Variants in TAFA1 observed in about 807,000 individuals in gnomAD.
TAFA1 encodes the protein chemokine-like protein TAFA-1.
A neutral mutation model predicts 18.5 loss-of-function variants in TAFA1; 4 were observed. The observed-to-expected ratio is 0.22, with a 90% CI of 0.11 to 0.49. The LOEUF (loss-of-function observed/expected upper bound fraction) is 0.49. TAFA1 is among the 20% of genes least tolerant of loss of function. TAFA1 has a pLI of 0.98. For missense variants in TAFA1, 147 were observed against 169.0 expected (o/e 0.87, Z 0.72); for synonymous variants, 56 against 55.2 (o/e 1.01, Z -0.06).
At chr3:68,401,887 A>G (rs756967120) in intron 2 of TAFA1, among the ~76,000 whole-genome samples, 14 of 152,206 alleles carry the variant, frequency 9.2e-5, no homozygotes, top group Non-Finnish European at 1.6e-4. Flanking sequence ...CAGTAAAAGT[A>G]GGACTGTTTG....
chr3:68,130,906 A>G lies in TAFA1; in HGVS notation c.118+124162A>G, dbSNP rs1405545437. 2.0e-5 allele frequency among the ~76,000 whole-genome samples: 3 copies of G among 151,992 alleles called. No individual in the cohort carries two copies. The East Asian group carries it at 5.8e-4, about 29-fold the overall frequency. On this transcript the variant is annotated intron_variant, in intron 2 of 4. Transcript: ENST00000478136. ...GAGTCTTCTTATCCTTTTCTAGCTC[A>G]TTGCACTGTCTCTTTCCTTGTTATT...
chr3:68,249,473 G>A (rs886387703), intron 2 of TAFA1, among the ~76,000 whole-genome samples: 1 of 152,126 alleles, frequency 6.6e-6, no homozygotes, highest in Admixed American at 6.5e-5. Flanking sequence ...CAACTGTCAG[G>A]GCTTGAGATG....
chr3:68,430,843 T>C (rs1250120128), intron 3 of TAFA1, among the ~76,000 whole-genome samples: 1 of 151,976 alleles, frequency 6.6e-6, no homozygotes, highest in Non-Finnish European at 1.5e-5. Context: ...AACTTTTGGA[T>C]GGAAATTTTA....
chr3:68,366,693 C>A (rs1292931944), intron 2 of TAFA1, among the ~76,000 whole-genome samples: 1 of 152,154 alleles, frequency 6.6e-6, no homozygotes, highest in Non-Finnish European at 1.5e-5. Flanking sequence ...GGTTATTGAA[C>A]TTTTCTAAGC....
chr3:68,086,548 A>G (rs905047452), intron 2 of TAFA1, among the ~76,000 whole-genome samples: 6 of 152,248 alleles, frequency 3.9e-5, no homozygotes, highest in Non-Finnish European at 8.8e-5. Context: ...AACTGTATAA[A>G]AAACATTTTG....
chr3:68,347,187 G>C (rs1218110332), intron 2 of TAFA1, among the ~76,000 whole-genome samples: 6 of 152,110 alleles, frequency 3.9e-5, no homozygotes, highest in Non-Finnish European at 8.8e-5. Context: ...TTGAGTTTCT[G>C]AATGATTTTG....
intron 2 of TAFA1, among the ~76,000 whole-genome samples, chr3:68,177,435 T>A (rs529351179): frequency 1.3e-5 from 2 of 152,286 alleles, no homozygotes; most frequent in East Asian, 3.9e-4. Context: ...CTTCAGCTTC[T>A]TTACTACTAC....
Position 68,367,003 on chromosome 3 carries a change from T to C in TAFA1, c.119-50277T>C, listed in dbSNP as rs187950707. Reference sequence around the variant, plus strand: ...ACTGACTGTCCTTACCCCCCAGTTCTAAGTTAACCATAGTTTTCCTTACCC... The same window carrying C: ...ACTGACTGTCCTTACCCCCCAGTTCCAAGTTAACCATAGTTTTCCTTACCC... On this transcript the variant is annotated intron_variant, in intron 2 of 4. Transcript: ENST00000478136. 5.9e-5 allele frequency among the ~76,000 whole-genome samples: 9 copies of C among 152,348 alleles called. No individual in the cohort carries two copies. The East Asian group carries it at 1.5e-3, about 26-fold the overall frequency.
chr3:68,104,202 G>T (rs759132766), intron 2 of TAFA1, among the ~76,000 whole-genome samples: 1 of 152,074 alleles, frequency 6.6e-6, no homozygotes, highest in Admixed American at 6.6e-5. Flanking sequence ...AAAAAACTCA[G>T]ATTAATATGG....
Position 68,353,973 on chromosome 3 carries a change from C to A in TAFA1, c.119-63307C>A, listed in dbSNP as rs1198051966. Among the ~76,000 whole-genome samples the A allele has an allele frequency of 2.6e-5, 4 of 151,988 alleles. No homozygotes were observed. In the East Asian group the frequency reaches 7.7e-4, roughly 29 times the overall value. ...TGATCTCTGGGCCTCCGCTTTCCCA[C>A]CATTAAATGTGGTGCTTGGATTGGA... On this transcript the variant is annotated intron_variant, in intron 2 of 4. Transcript: ENST00000478136.
At chr3:68,093,606 A>G (rs1349570992) in intron 2 of TAFA1, among the ~76,000 whole-genome samples, 3 of 151,988 alleles carry the variant, frequency 2.0e-5, no homozygotes, top group Admixed American at 1.3e-4. Context: ...CTGTCTGACT[A>G]TGTGATGTGG....
intron 2 of TAFA1, among the ~76,000 whole-genome samples, chr3:68,120,043 A>C (rs1421849017): frequency 6.6e-6 from 1 of 152,192 alleles, no homozygotes; most frequent in Non-Finnish European, 1.5e-5. Context: ...CTTAAAAGTC[A>C]GAGCAGGGTA....
intron 3 of TAFA1, among the ~76,000 whole-genome samples, chr3:68,529,684 G>T (rs1215830137): frequency 6.6e-6 from 1 of 152,144 alleles, no homozygotes; most frequent in Non-Finnish European, 1.5e-5. Context: ...TGTGTGTGCA[G>T]AGACCACATG....
intron 3 of TAFA1, among the ~76,000 whole-genome samples, chr3:68,479,229 C>A (rs866222018): frequency 1.1e-3 from 105 of 97,492 alleles, no homozygotes; most frequent in Non-Finnish European, 1.2e-3. Context: ...GACTCCATCT[C>A]AAAAAAAAAA....
chr3:68,125,048 T>C (rs2065447618), intron 2 of TAFA1, among the ~76,000 whole-genome samples: 1 of 152,222 alleles, frequency 6.6e-6, no homozygotes, highest in Non-Finnish European at 1.5e-5. Flanking sequence ...ATGAAAAGGA[T>C]GCATATACTT....
intron 3 of TAFA1, among the ~76,000 whole-genome samples, chr3:68,487,158 A>G (rs890771862): frequency 1.3e-5 from 2 of 152,230 alleles, no homozygotes; most frequent in Admixed American, 6.5e-5. Flanking sequence ...AATTGTCTAG[A>G]AATGTGACTT....
rs749877780 is a variant in TAFA1, at chr3:68,370,472, GTA to G, written c.119-46765_119-46764del. 9.7e-3 allele frequency among the ~76,000 whole-genome samples: 320 copies of G among 32,924 alleles called. 1 individual carries two copies. The highest frequency in any genetic ancestry group is 0.025 in the African/African-American group (187 of 7,500). 21.6% of individuals were successfully genotyped at this position (32,924 alleles called of 152,430 possible). ...TATATATATGTGTGTGTGTGTGTGT[GTA>G]TATATATATATATATATATATATAT... On this transcript the variant is annotated intron_variant, in intron 2 of 4. Coordinates refer to ENST00000478136, the MANE Select transcript of TAFA1 (RefSeq NM_213609.4).
intron 2 of TAFA1, among the ~76,000 whole-genome samples, chr3:68,070,100 T>C (rs961812892): frequency 9.9e-5 from 15 of 152,232 alleles, no homozygotes; most frequent in African/African-American, 3.4e-4. Context: ...AGAGACTCTG[T>C]GTGGGGGCTC....
chr3:68,456,416 G>A (rs1217578051), intron 3 of TAFA1, among the ~76,000 whole-genome samples: 3 of 152,120 alleles, frequency 2.0e-5, no homozygotes, highest in South Asian at 2.1e-4. Context: ...TCAGGCAGAT[G>A]CTCTTTCTCC....
Sources: gnomAD v4.1 joint callset for allele counts (sites outside exome capture counted in the v4.1 genomes callset) on GRCh38, gnomAD v4.1.1 for gene constraint, MANE v1.5 for transcripts, NCBI Gene and HGNC (gene_info 2026-07-23, HGNC 2026-07-21) for gene names.